The following KLB variants were observed in gnomAD, a reference collection of about 807,000 sequenced individuals.
KLB encodes the protein klotho beta.
A neutral mutation model predicts 88.4 loss-of-function variants in KLB; 44 were observed. That is an observed-to-expected ratio of 0.50 (90% confidence interval 0.39 to 0.64). The LOEUF is 0.64. KLB is among the 30% of genes least tolerant of loss of function. KLB has a pLI of 0.00. For synonymous variants in KLB, 548 were observed against 513.4 expected (o/e 1.07, Z -0.91); for missense variants, 1,137 against 1,304.8 (o/e 0.87, Z 1.98).
Position 39,446,299 on chromosome 4 carries a change from C to T in KLB, c.1606-33C>T, listed in dbSNP as rs751882261. ...TCACTTGAGCCTCCATCTGCCAGCG[C>T]ATGCTTGACCTAAATGAGCTTGTTT... On this transcript the variant is annotated intron_variant, in intron 3 of 4. Transcript: ENST00000257408. This position sits in a 1 kb window ranked among gnomAD's most constrained non-coding sequence, Gnocchi z 6.4. The T allele has an allele frequency of 9.4e-6, 15 of 1,587,756 alleles. No individual in the cohort carries two copies. In the East Asian group the frequency reaches 2.5e-4, roughly 26 times the overall value.
At chr4:39,412,733 C>A (rs1330241361) in intron 1 of KLB, among the ~76,000 whole-genome samples, 2 of 152,176 alleles carry the variant, frequency 1.3e-5, no homozygotes, top group East Asian at 3.9e-4. Flanking sequence ...ATCTCCCCAG[C>A]TAGACTGAGA....
At chr4:39,444,140 A>C (rs781189364) in intron 3 of KLB, among the ~76,000 whole-genome samples, 1 of 152,154 alleles carries the variant, frequency 6.6e-6, no homozygotes, top group Non-Finnish European at 1.5e-5. Context: ...CTGGGCGACA[A>C]GAACAAAACT....
chr4:39,441,132 A>G (rs1320358124), intron 3 of KLB, among the ~76,000 whole-genome samples: 4 of 152,202 alleles, frequency 2.6e-5, no homozygotes, highest in Admixed American at 2.6e-4. Context: ...CTGGGATTAC[A>G]GGTGTGAGGC....
At chr4:39,448,205 G>T (rs1743804847) in intron 4 of KLB, 96 bp from the exon 5 acceptor site, 3 of 872,076 alleles carry the variant, frequency 3.4e-6, no homozygotes, top group Admixed American at 3.0e-5. Flanking sequence ...CTTTATTATG[G>T]GCATAATTTT....
chr4:39,435,316 T>A (rs1284965729), intron 2 of KLB, among the ~76,000 whole-genome samples: 4 of 140,588 alleles, frequency 2.8e-5, no homozygotes, highest in Non-Finnish European at 6.2e-5. Context: ...TGGAGTTACA[T>A]CATGTTGGCC....
Position 39,446,948 on chromosome 4 carries a change from CGCTGCA to C in KLB, c.2223_2228del (p.Leu742_His743del), listed in dbSNP as rs1339933475. 1 of 1,605,274 alleles carries C rather than the reference CGCTGCA, an allele frequency of 6.2e-7. No homozygotes were observed. Among genetic ancestry groups the C allele is most frequent in the Non-Finnish European group, 8.5e-7 (1 of 1,178,968 alleles). Reference sequence around the variant, plus strand: ...TCACAGCGCGGGGCCGTGTCGCTGTCGCTGCACGCGGACTGGGCGGAACCCGCCAAC... The same window carrying C: ...TCACAGCGCGGGGCCGTGTCGCTGTCCGCGGACTGGGCGGAACCCGCCAAC... On this transcript the variant is annotated inframe_deletion, in exon 4 of 5. Coordinates refer to ENST00000257408, the MANE Select transcript of KLB (RefSeq NM_175737.4). This position sits in a 1 kb window ranked among gnomAD's most constrained non-coding sequence, Gnocchi z 6.4.
intron 1 of KLB, among the ~76,000 whole-genome samples, chr4:39,423,021 C>T (rs752576937): frequency 4.6e-5 from 7 of 151,792 alleles, no homozygotes; most frequent in Non-Finnish European, 8.8e-5. Context: ...CCCATCTCAG[C>T]CTTCCAAAGT....
At chr4:39,432,062 G>C (rs968785106) in intron 1 of KLB, among the ~76,000 whole-genome samples, 2 of 152,080 alleles carry the variant, frequency 1.3e-5, no homozygotes. Context: ...CGAGGTGTGT[G>C]GATCACCTGA....
Position 39,407,589 on chromosome 4 carries a change from A to G in KLB, c.640A>G (p.Ile214Val), listed in dbSNP as rs1371414467. 5 of 1,614,172 alleles carry G rather than the reference A, an allele frequency of 3.1e-6. No individual in the cohort carries two copies. The South Asian group carries it at 4.4e-5, about 14-fold the overall frequency. The change falls in exon 1 of 5, where the codon ATA becomes GTA. Residue 214 changes from isoleucine to valine, a missense_variant. By Grantham distance (29) the Ile-to-Val change is conservative. Coordinates refer to ENST00000257408, the MANE Select transcript of KLB (RefSeq NM_175737.4). ...EKYGGWKNDT[I>V]IDIFNDYATY... is the part of the protein sequence containing the mutation. The stretch of plus-strand genomic sequence containing the variant: ...ATATGGGGGGTGGAAAAATGATACC[A>G]TAATAGATATCTTCAATGACTATGC...
chr4:39,445,444 G>C (rs892734791), intron 3 of KLB, among the ~76,000 whole-genome samples: 5 of 151,818 alleles, frequency 3.3e-5, no homozygotes, highest in Non-Finnish European at 7.4e-5. Flanking sequence ...TGTTCTCACA[G>C]GCACATGGGT....
intron 3 of KLB, among the ~76,000 whole-genome samples, chr4:39,445,685 T>TG (rs1553932354): frequency 0.26 from 23,234 of 90,374 alleles, 2,123 homozygotes; most frequent in Admixed American, 0.35. Flanking sequence ...TGTTTTTTTG[T>TG]TTTTTTTTTT....
chr4:39,418,079 C>A (rs561442771), intron 1 of KLB, among the ~76,000 whole-genome samples: 43 of 152,294 alleles, frequency 2.8e-4, no homozygotes, highest in African/African-American at 8.9e-4. Flanking sequence ...AGAACAATCT[C>A]TCTACATGTT....
chr4:39,430,675 G>T lies in KLB; in HGVS notation c.826-3535G>T, dbSNP rs374727995. Among the ~76,000 whole-genome samples, 16 of 144,176 alleles carry T rather than the reference G, an allele frequency of 1.1e-4. No individual in the cohort carries two copies. The Admixed American group carries it at 1.2e-3, about 11-fold the overall frequency. 94.6% of individuals were successfully genotyped at this position (144,176 alleles called of 152,430 possible). A position where few individuals can be genotyped will look rare whatever the true frequency, so the allele number is the denominator to read the frequency against. On this transcript the variant is annotated intron_variant, in intron 1 of 4. Transcript: ENST00000257408. The stretch of plus-strand genomic sequence containing the variant: ...GAGTACAGCGACTCAATCTAGGCTC[G>T]CTGCAACCTCCGCCTCCTGGGTTCA...
Position 39,446,712 on chromosome 4 carries a change from GA to G in KLB, c.1988del (p.Asn663ThrfsTer23). Reference protein sequence around the residue: ...EPLLHADGWLNPSTAEAFQAY... With the variant: ...EPLLHADGWLXPSTAEAFQAY... ...CTCTGTTGCATGCCGACGGGTGGCT[GA>G]ACCCATCGACGGCCGAGGCCTTCCA... On this transcript the variant is annotated frameshift_variant, in exon 4 of 5. Coordinates refer to ENST00000257408, the MANE Select transcript of KLB (RefSeq NM_175737.4). LOFTEE classifies it high-confidence loss of function. The surrounding 1 kb of genome is among the most constrained non-coding windows in gnomAD (Gnocchi z 6.4). 6.2e-7 allele frequency: 1 copy of G among 1,608,724 alleles called. No homozygotes were observed. The highest frequency in any genetic ancestry group is 8.5e-7 in the Non-Finnish European group (1 of 1,176,778).
intron 1 of KLB, among the ~76,000 whole-genome samples, chr4:39,415,856 C>G (rs1742953526): frequency 2.6e-5 from 4 of 151,882 alleles, no homozygotes; most frequent in Admixed American, 2.6e-4. Context: ...GTTGGGAAAC[C>G]CTACTCTAGG....
At chr4:39,430,082 T>C (rs1212141702) in intron 1 of KLB, among the ~76,000 whole-genome samples, 1 of 152,244 alleles carries the variant, frequency 6.6e-6, no homozygotes, top group South Asian at 2.1e-4. Flanking sequence ...AGCTCTACTG[T>C]TTCTCATTCA....
At position 39,427,043 on chromosome 4, in the gene KLB, A is replaced by T. The variant is rs903778641; in HGVS notation, c.826-7167A>T. On this transcript the variant is annotated intron_variant, in intron 1 of 4. Coordinates refer to ENST00000257408, the MANE Select transcript of KLB (RefSeq NM_175737.4). ...GAATGAATGTTAAACAATCTGGAAGAGCAGCATTTGGTAATTAACATAAAA... is the reference window on the plus strand; with the variant it reads ...GAATGAATGTTAAACAATCTGGAAGTGCAGCATTTGGTAATTAACATAAAA... Among the ~76,000 whole-genome samples the T allele has an allele frequency of 4.6e-5, 7 of 152,336 alleles. No homozygotes were observed. In the East Asian group the frequency reaches 1.3e-3, roughly 29 times the overall value.
chr4:39,428,203 G>A (rs1375443351), intron 1 of KLB, among the ~76,000 whole-genome samples: 1 of 152,184 alleles, frequency 6.6e-6, no homozygotes. Flanking sequence ...AAGGCAGGCG[G>A]ATCACCTGAG....
Position 39,447,396 on chromosome 4 carries a change from T to C in KLB, c.2670T>C (p.Ser890=). Residue 890 remains serine (S), a synonymous_variant, in exon 4 of 5, where the codon AGT becomes AGC. Coordinates refer to ENST00000257408, the MANE Select transcript of KLB (RefSeq NM_175737.4). ...ACATGGACATTTACATCACCGCCAG[T>C]GGCATCGACGACCAGGCTCTGGAGG... ...YGDMDIYITA[S]GIDDQALEDD... The C allele has an allele frequency of 6.2e-7, 1 of 1,613,636 alleles. No individual in the cohort carries two copies.
Sources: allele counts gnomAD v4.1 joint callset (sites outside exome capture counted in the v4.1 genomes callset), GRCh38; gene constraint gnomAD v4.1.1; non-coding constraint Gnocchi (gnomAD v3.1); transcripts MANE v1.5; gene names NCBI Gene and HGNC (gene_info 2026-07-23, HGNC 2026-07-21).